H6PD: variants seen among roughly 807,000 people sequenced by gnomAD.
H6PD encodes the protein GDH/6PGL endoplasmic bifunctional protein.
A neutral mutation model predicts 61.2 loss-of-function variants in H6PD; 48 were observed. That is an observed-to-expected ratio of 0.78 (90% CI 0.62 to 1.00). The LOEUF (loss-of-function observed/expected upper bound fraction) is 1.00, where lower values mean the gene tolerates loss of function less well. H6PD is among the 50% of genes least tolerant of loss of function. The probability of loss-of-function intolerance (pLI) is 0.00; values close to 1 mark genes in which losing one functional copy is unlikely to be tolerated. For missense variants in H6PD, 1,093 were observed against 1,065.0 expected (o/e 1.03, Z -0.37); for synonymous variants, 480 against 457.9 (o/e 1.05, Z -0.62).
Position 9,254,453 on chromosome 1 carries a change from A to G in H6PD, c.745+7370A>G, listed in dbSNP as rs1245498568. The stretch of plus-strand genomic sequence containing the variant: ...CTCCAGATCACAGCTCTGTACCACC[A>G]TTCAAGGATCCAGCCAGTCACCAAG... On this transcript the variant is annotated intron_variant, in intron 3 of 4. Transcript: ENST00000377403. This position sits in a 1 kb window ranked among gnomAD's most constrained non-coding sequence, Gnocchi z 4.6. 6.6e-6 allele frequency among the ~76,000 whole-genome samples: 1 copy of G among 152,218 alleles called. No homozygotes were observed. The highest frequency in any genetic ancestry group is 1.9e-4 in the East Asian group (1 of 5,202).
chr1:9,248,912 CGTGCCTGTCT>C (rs1290319562), intron 3 of H6PD, among the ~76,000 whole-genome samples: 1 of 152,198 alleles, frequency 6.6e-6, no homozygotes, highest in Non-Finnish European at 1.5e-5. Context: ...GGTTGCCCCC[CGTGCCTGTCT>C]GTGCCTGATC....
At chr1:9,250,873 C>T (rs1006384475) in intron 3 of H6PD, among the ~76,000 whole-genome samples, 3 of 152,240 alleles carry the variant, frequency 2.0e-5, no homozygotes, top group Admixed American at 6.5e-5. Flanking sequence ...CCCCTCCATC[C>T]TCCATGCTGG....
In H6PD at chr1:9,269,336, C is replaced by T. The variant is rs1638676753; in HGVS notation, c.*4467C>T. The T allele has an allele frequency of 6.6e-6, 1 of 152,284 alleles. No homozygotes were observed. The highest frequency in any genetic ancestry group is 2.1e-4 in the South Asian group (1 of 4,836). 9.4% of individuals were successfully genotyped at this position (152,284 alleles called of 1,614,324 possible). ...GTAGCACTGGAAGCGGCACTGTTTG[C>T]ATTGTACATAGGAAGGAAGGAAGTT... On this transcript the variant is annotated 3_prime_UTR_variant, in exon 5 of 5. Coordinates refer to ENST00000377403, the MANE Select transcript of H6PD (RefSeq NM_004285.4). This position sits in a 1 kb window ranked among gnomAD's most constrained non-coding sequence, Gnocchi z 4.3.
intron 1 of H6PD, among the ~76,000 whole-genome samples, chr1:9,237,016 C>T (rs941045052): frequency 1.9e-4 from 29 of 152,232 alleles, no homozygotes; most frequent in African/African-American, 6.7e-4. Flanking sequence ...AGTTAGTGTT[C>T]GGAACAGCTT....
At position 9,264,374 on chromosome 1, in the gene H6PD, A is replaced by G. The variant is rs145918056; in HGVS notation, c.1881A>G (p.Ser627=). The change falls in exon 5 of 5, where the codon TCA becomes TCG. Residue 627 remains serine (S), a synonymous_variant. Coordinates refer to ENST00000377403, the MANE Select transcript of H6PD (RefSeq NM_004285.4). ...WLVDERCVPL[S]DPESNFQGLQ... ...TTGACGAGCGCTGCGTCCCACTCTC[A>G]GACCCGGAGTCCAACTTCCAGGGCC... 3.7e-4 allele frequency: 602 copies of G among 1,612,880 alleles called. 4 individuals are homozygous for G. In the Middle Eastern group the frequency reaches 4.9e-3, roughly 13 times the overall value.
chr1:9,267,976 C>T lies in H6PD; in HGVS notation c.*3107C>T, dbSNP rs185297306. 1 of 152,166 alleles carries T rather than the reference C, an allele frequency of 6.6e-6. No homozygotes were observed. Among genetic ancestry groups the T allele is most frequent in the African/African-American group, 2.4e-5 (1 of 41,416 alleles). 9.4% of individuals were successfully genotyped at this position (152,166 alleles called of 1,614,324 possible). A position where few individuals can be genotyped will look rare whatever the true frequency, so the allele number is the denominator to read the frequency against. ...ATTCACTAAATTGGGCTAGGTGTGG[C>T]TCATGCCTGTAATCCCAGCACTATG... On this transcript the variant is annotated 3_prime_UTR_variant, in exon 5 of 5. Transcript: ENST00000377403.
intron 3 of H6PD, among the ~76,000 whole-genome samples, chr1:9,253,285 C>G (rs1217803087): frequency 4.6e-5 from 7 of 152,192 alleles, no homozygotes; most frequent in African/African-American, 1.7e-4. Context: ...AGGTAGTAAA[C>G]CCGTGGAATG....
rs555061076 is a variant in H6PD at position 9,246,145 on chromosome 1, T to C, written c.627+584T>C. Among the ~76,000 whole-genome samples the C allele has an allele frequency of 8.5e-5, 13 of 152,294 alleles. No individual in the cohort carries two copies. The East Asian group carries it at 2.3e-3, about 27-fold the overall frequency. ...TTTTAGTAGAAATGGGTTTTCACCA[T>C]GTTGGCCAGGCTGGTCTCAAAATCC... On this transcript the variant is annotated intron_variant, in intron 2 of 4. Transcript: ENST00000377403.
rs770715626 is a variant in H6PD at position 9,262,175 on chromosome 1, G to A, written c.862G>A (p.Ala288Thr). The change falls in exon 4 of 5, where the codon GCT becomes ACT. Residue 288 changes from alanine (A) to threonine (T), a missense_variant. Coordinates refer to ENST00000377403, the MANE Select transcript of H6PD (RefSeq NM_004285.4). Reference protein sequence around the residue: ...ELPHNVSSAEAVLRHKLQVFQ... With the variant: ...ELPHNVSSAETVLRHKLQVFQ... ...GCCCCACAATGTCAGCAGTGCGGAG[G>A]CTGTGCTGCGGCACAAGCTTCAGGT... 1 of 1,614,248 alleles carries A rather than the reference G, an allele frequency of 6.2e-7. No homozygotes were observed. Among genetic ancestry groups the A allele is most frequent in the Non-Finnish European group, 8.5e-7 (1 of 1,180,052 alleles).
At chr1:9,246,104 G>A (rs139804790) in intron 2 of H6PD, among the ~76,000 whole-genome samples, 2,327 of 152,034 alleles carry the variant, frequency 0.015, 33 homozygotes, top group Non-Finnish European at 0.022. Context: ...CACCATGCCC[G>A]GCTAATTTTT....
chr1:9,259,213 C>G (rs918812592), intron 3 of H6PD, among the ~76,000 whole-genome samples: 2 of 152,230 alleles, frequency 1.3e-5, no homozygotes, highest in Non-Finnish European at 2.9e-5. Context: ...TGGTCTCGAT[C>G]TCCTGACCTC....
chr1:9,241,747 C>T (rs951595645), intron 1 of H6PD, among the ~76,000 whole-genome samples: 4 of 152,118 alleles, frequency 2.6e-5, no homozygotes, highest in African/African-American at 9.7e-5. Context: ...TGGTCTTGAG[C>T]CCAGGTCCTT....
chr1:9,246,934 C>G (rs1351657715), intron 2 of H6PD, 32 bp from the exon 3 acceptor site: 1 of 1,454,178 alleles, frequency 6.9e-7, no homozygotes, highest in Non-Finnish European at 9.7e-7. Flanking sequence ...TGAGAGTATC[C>G]TGCAGCACGC....
intron 3 of H6PD, among the ~76,000 whole-genome samples, chr1:9,257,735 C>T (rs1248584826): frequency 6.6e-6 from 1 of 152,184 alleles, no homozygotes; most frequent in Non-Finnish European, 1.5e-5. Context: ...AAGCTGAGCC[C>T]TTAAGGATGA....
rs549607178 is a variant in H6PD, at chr1:9,264,257, A to T, written c.1764A>T (p.Ala588=). The stretch of plus-strand genomic sequence containing the variant: ...GGCGCTTTGGCCAGTTCCACCTGGC[A>T]CTGTCGGGGGGCTCGAGCCCCGTGG... ...AVRRFGQFHL[A]LSGGSSPVAL... The change falls in exon 5 of 5, where the codon GCA becomes GCT. Residue 588 remains alanine, a synonymous_variant. Transcript: ENST00000377403. 3.7e-6 allele frequency: 6 copies of T among 1,610,016 alleles called. No homozygotes were observed. The East Asian group carries it at 1.3e-4, about 36-fold the overall frequency.
chr1:9,262,032 C>G (rs761811236), intron 3 of H6PD, 27 bp from the exon 4 acceptor site: 1 of 1,613,604 alleles, frequency 6.2e-7, no homozygotes, highest in Non-Finnish European at 8.5e-7. Context: ...TTTAGATCCT[C>G]CCCACTTCTC....
intron 1 of H6PD, chr1:9,240,091 C>G: frequency 5.0e-6 from 5 of 996,540 alleles, no homozygotes; most frequent in Non-Finnish European, 6.5e-6. Flanking sequence ...GTGCCCAGGA[C>G]TGGGTTCACG....
intron 1 of H6PD, among the ~76,000 whole-genome samples, chr1:9,237,456 C>G (rs146921782): frequency 6.6e-6 from 1 of 152,142 alleles, no homozygotes; most frequent in African/African-American, 2.4e-5. Flanking sequence ...TGGTTTTAAA[C>G]TCCCGACCTC....
In H6PD at chr1:9,267,465, C is replaced by G. The variant is rs1638606276; in HGVS notation, c.*2596C>G. ...CAGGGAGAAAGGGGCCTCCACATGCCCAAGTACCCCTGCAGGATGAAGGGC... is the reference window on the plus strand; with the variant it reads ...CAGGGAGAAAGGGGCCTCCACATGCGCAAGTACCCCTGCAGGATGAAGGGC... On this transcript the variant is annotated 3_prime_UTR_variant, in exon 5 of 5. Transcript: ENST00000377403. 1 of 152,276 alleles carries G rather than the reference C, an allele frequency of 6.6e-6. No individual in the cohort carries two copies. The allele number at this position is 152,276 out of a possible 1,614,324, so 9.4% of individuals were successfully genotyped here.
Sources: allele counts gnomAD v4.1 joint callset (sites outside exome capture counted in the v4.1 genomes callset), GRCh38; gene constraint gnomAD v4.1.1; non-coding constraint Gnocchi (gnomAD v3.1); transcripts MANE v1.5; gene names NCBI Gene and HGNC (gene_info 2026-07-23, HGNC 2026-07-21).